The following MPND variants were observed in gnomAD, a reference collection of about 807,000 sequenced individuals.
The protein encoded by MPND is MPN domain-containing protein.
In MPND, 56 loss-of-function variants were observed where a neutral mutation model predicts 59.2. The ratio of observed to expected loss-of-function variants is 0.95; its 90% confidence interval spans 0.76 to 1.18. The LOEUF (loss-of-function observed/expected upper bound fraction) is 1.18, where lower values mean the gene tolerates loss of function less well. MPND is among the 50% of genes most tolerant of loss of function. MPND has a pLI of 0.00. For missense variants in MPND, 671 were observed against 676.0 expected (o/e 0.99, Z 0.08); for synonymous variants, 323 against 291.9 (o/e 1.11, Z -1.09).
intron 3 of MPND, chr19:4,348,823 A>AT (rs1010475467): frequency 6.6e-6 from 1 of 151,518 alleles, no homozygotes; most frequent in African/African-American, 2.4e-5. Context: ...GGCCTGGCTA[A>AT]TTTTTTTATT....
intron 3 of MPND, among the ~76,000 whole-genome samples, chr19:4,350,133 G>A (rs369989865): frequency 7.9e-5 from 12 of 152,068 alleles, no homozygotes; most frequent in African/African-American, 2.7e-4. Context: ...ACTGAAGGTG[G>A]GGAGGGAGGG....
chr19:4,346,772 T>A (rs1478963666), intron 3 of MPND, among the ~76,000 whole-genome samples: 1 of 150,518 alleles, frequency 6.6e-6, no homozygotes, highest in Non-Finnish European at 1.5e-5. Context: ...GGCTCATGCC[T>A]GTAATCCCAG....
At chr19:4,356,450 C>T (rs888215885) in intron 8 of MPND, among the ~76,000 whole-genome samples, 3 of 152,042 alleles carry the variant, frequency 2.0e-5, no homozygotes, top group Non-Finnish European at 4.4e-5. Context: ...GAGGCTGAGG[C>T]AGGAGGATGG....
chr19:4,351,861 C>CAAAAAAAA (rs1217874445), intron 3 of MPND, among the ~76,000 whole-genome samples: 738 of 51,318 alleles, frequency 0.014, 45 homozygotes, highest in East Asian at 0.02. Flanking sequence ...GACTCTGTCT[C>CAAAAAAAA]AAAAAAAAAA....
Position 4,343,601 on chromosome 19 carries a change from GTAC to G in MPND, c.7+2_7+4del. 1 of 1,218,522 alleles carries G rather than the reference GTAC, an allele frequency of 8.2e-7. No homozygotes were observed. The highest frequency in any genetic ancestry group is 4.1e-5 in the South Asian group (1 of 24,240). 75.5% of individuals were successfully genotyped at this position (1,218,522 alleles called of 1,614,324 possible). ...GCGCGGGGAGGCGCGGCCATGGCAG[GTAC>G]GGCGGGCCCAGCGGGGCGGAGGCGC... On this transcript the variant is annotated splice_donor_variant and splice_donor_region_variant and intron_variant, in intron 1 of 12. Transcript: ENST00000599840. LOFTEE classifies it high-confidence loss of function.
chr19:4,354,900 G>T, intron 6 of MPND, 49 bp from the exon 7 acceptor site: 1 of 1,524,462 alleles, frequency 6.6e-7, no homozygotes. Flanking sequence ...CCAGTGTTGG[G>T]GCAGGGCCAC....
At chr19:4,348,970 T>C (rs117689055) in intron 3 of MPND, 3,386 of 216,178 alleles carry the variant, frequency 0.016, 48 homozygotes, top group Middle Eastern at 0.038. Context: ...TGAATTCTTA[T>C]ATGGATACAG....
intron 3 of MPND, among the ~76,000 whole-genome samples, chr19:4,346,409 T>A (rs2144814969): frequency 6.6e-6 from 1 of 152,126 alleles, no homozygotes; most frequent in Non-Finnish European, 1.5e-5. Context: ...GGACCCTTTG[T>A]GTGCCTTAGT....
intron 11 of MPND, chr19:4,358,461 C>G (rs1425535806): frequency 6.8e-6 from 3 of 438,208 alleles, no homozygotes; most frequent in South Asian, 3.4e-5. Flanking sequence ...ACTGGATGAA[C>G]ACTTAAAAAT....
In MPND at chr19:4,354,025, C is replaced by T. The variant is rs756919185; in HGVS notation, c.665-20C>T. ...TAACTTGGGCTGGGGAGGGACTGAC[C>T]CTGCCTTTTTCTCTCCCAGAGGCCA... On this transcript the variant is annotated intron_variant, in intron 4 of 12. Coordinates refer to ENST00000599840, the MANE Select transcript of MPND (RefSeq NM_001300862.2). The T allele has an allele frequency of 3.7e-6, 6 of 1,607,328 alleles. No individual in the cohort carries two copies. In the South Asian group the frequency reaches 5.5e-5, roughly 15 times the overall value.
Position 4,352,913 on chromosome 19 carries a change from GGGAGGAGGAGGAGTTGCTGATGGAAGA to G in MPND, c.561_587del (p.Glu187_Glu195del), listed in dbSNP as rs1972353704. On this transcript the variant is annotated inframe_deletion, in exon 4 of 13. Coordinates refer to ENST00000599840, the MANE Select transcript of MPND (RefSeq NM_001300862.2). ...CCCCTGCAGAGCCCAGCCAGTGAAG[GGGAGGAGGAGGAGTTGCTGATGGAAGA>G]GGAGGAGGAGGACGTTCTGGCAGGG... 1.7e-5 allele frequency: 24 copies of G among 1,392,980 alleles called. No individual in the cohort carries two copies. The highest frequency in any genetic ancestry group is 1.9e-4 in the Middle Eastern group (1 of 5,158). The allele number at this position is 1,392,980 out of a possible 1,614,324, so 86.3% of individuals were successfully genotyped here.
rs201247790 is a variant in MPND, at chr19:4,349,323, G to A, written c.531+3342G>A. Among the ~76,000 whole-genome samples the A allele has an allele frequency of 4.6e-5, 7 of 151,896 alleles. No individual in the cohort carries two copies. In the East Asian group the frequency reaches 5.8e-4, roughly 13 times the overall value. On this transcript the variant is annotated intron_variant, in intron 3 of 12. Transcript: ENST00000599840. ...ACTCCTGACCTCAAGTGATCCACTC[G>A]CTTCGGTATCCCAAAGTGCAGGGAT... is the stretch of plus-strand genomic sequence containing the variant.
At chr19:4,358,548 G>A (rs553801180) in intron 11 of MPND, 105 of 197,398 alleles carry the variant, frequency 5.3e-4, no homozygotes, top group African/African-American at 2.3e-3. Flanking sequence ...AGCACTTTGG[G>A]AGGCTGAGGT....
chr19:4,343,624 A>AGGCGCGGGGCGCGGGGCTGCAGG, intron 1 of MPND, 24 bp downstream of exon 1: 1 of 822,446 alleles, frequency 1.2e-6, no homozygotes, highest in East Asian at 5.7e-5. Context: ...AGCGGGGCGG[A>AGGCGCGGGGCGCGGGGCTGCAGG]GGCGCGGGGC....
At chr19:4,354,193 TAGCAAG>T in intron 5 of MPND, 64 bp downstream of exon 5, 4 of 1,549,594 alleles carry the variant, frequency 2.6e-6, no homozygotes, top group Non-Finnish European at 2.6e-6. Context: ...GGTCTTGGGG[TAGCAAG>T]GGCAGGGGTG....
At chr19:4,348,214 T>C in intron 3 of MPND, 1 of 152,084 alleles carries the variant, frequency 6.6e-6, no homozygotes, top group Non-Finnish European at 1.5e-5. Context: ...TTCTGGATGC[T>C]CAATTACAGT....
At chr19:4,354,880 C>G in intron 6 of MPND, 69 bp from the exon 7 acceptor site, 1 of 1,451,674 alleles carries the variant, frequency 6.9e-7, no homozygotes, top group Non-Finnish European at 9.3e-7. Context: ...AATGAGGGCA[C>G]AGGCTGGCTC....
At chr19:4,349,541 G>A (rs11670483) in intron 3 of MPND, among the ~76,000 whole-genome samples, 1 of 150,984 alleles carries the variant, frequency 6.6e-6, no homozygotes, top group Non-Finnish European at 1.5e-5. Context: ...ATGGAGTGTC[G>A]CTCTTGTTGC....
Position 4,355,031 on chromosome 19 carries a change from C to T in MPND, c.919+10C>T. 2 of 1,192,738 alleles carry T rather than the reference C, an allele frequency of 1.7e-6. No individual in the cohort carries two copies. Among genetic ancestry groups the T allele is most frequent in the Admixed American group, 2.0e-5 (1 of 48,958 alleles). The allele number at this position is 1,192,738 out of a possible 1,614,324, so 73.9% of individuals were successfully genotyped here. A position where few individuals can be genotyped will look rare whatever the true frequency, so the allele number is the denominator to read the frequency against. ...GACGTCAACAGCCAGAGTGGGTATC[C>T]AGGGCCAGGTGGGCGGGGGCGTTGG... On this transcript the variant is annotated intron_variant, in intron 7 of 12. Transcript: ENST00000599840.
Sources: allele counts gnomAD v4.1 joint callset (sites outside exome capture counted in the v4.1 genomes callset), GRCh38; gene constraint gnomAD v4.1.1; transcripts MANE v1.5; gene names NCBI Gene and HGNC (gene_info 2026-07-23, HGNC 2026-07-21).